The following SUCO variants were observed in gnomAD, a reference collection of about 807,000 sequenced individuals.
SUCO encodes the protein SUN domain containing ossification factor.
A neutral mutation model predicts 148.1 loss-of-function variants in SUCO; 57 were observed. The ratio of observed to expected loss-of-function variants is 0.38; its 90% CI spans 0.31 to 0.48. The LOEUF is 0.48. Among genes scored for constraint, SUCO ranks in the 20% least tolerant of loss-of-function variants. The pLI, the probability that SUCO is intolerant of heterozygous loss-of-function variation, is 0.96. For synonymous variants in SUCO, 470 were observed against 502.7 expected (o/e 0.93, Z 0.87); for missense variants, 1,331 against 1,468.2 (o/e 0.91, Z 1.53).
At position 172,610,004 on chromosome 1, in the gene SUCO, A is replaced by C. The variant is rs760844101; in HGVS notation, c.3510A>C (p.Ser1170=). Residue 1170 remains serine, a synonymous_variant, in exon 24 of 24, where the codon TCA becomes TCC. Transcript: ENST00000263688. Reference sequence around the variant, plus strand: ...CATCTGAAGGAAGCTCAGAAACTTCATCACAGTCAGAAGAGTCCTATTTTT... The same window carrying C: ...CATCTGAAGGAAGCTCAGAAACTTCCTCACAGTCAGAAGAGTCCTATTTTT... ...GPPSEGSSET[S]SQSEESYFCG... 4 of 1,613,928 alleles carry C rather than the reference A, an allele frequency of 2.5e-6. No individual in the cohort carries two copies. The highest frequency in any genetic ancestry group is 1.7e-5 in the Admixed American group (1 of 59,994).
intron 19 of SUCO, among the ~76,000 whole-genome samples, chr1:172,593,638 G>A (rs1260683331): frequency 6.6e-6 from 1 of 152,208 alleles, no homozygotes; most frequent in Non-Finnish European, 1.5e-5. Flanking sequence ...CTTGATCGTG[G>A]TGGGTAAGCT....
At chr1:172,555,727 G>A (rs1480244736) in intron 3 of SUCO, 142 bp from the exon 4 acceptor site, 4 of 687,218 alleles carry the variant, frequency 5.8e-6, no homozygotes, top group Non-Finnish European at 6.6e-6. Context: ...TTGGAAGAAA[G>A]GATTTTTATA....
intron 1 of SUCO, among the ~76,000 whole-genome samples, chr1:172,537,680 T>C (rs1021629781): frequency 1.3e-5 from 2 of 152,216 alleles, no homozygotes; most frequent in African/African-American, 4.8e-5. Flanking sequence ...TTTTTAAAAC[T>C]AAACAAATCT....
rs759161471 is a variant in SUCO at position 172,585,963 on chromosome 1, G to T, written c.1658+15G>T. 3 of 1,513,712 alleles carry T rather than the reference G, an allele frequency of 2.0e-6. No homozygotes were observed. The highest frequency in any genetic ancestry group is 2.7e-6 in the Non-Finnish European group (3 of 1,110,322). The allele number at this position is 1,513,712 out of a possible 1,614,324, so 93.8% of individuals were successfully genotyped here. ...CCATCTCCTGAGTAAGTTATAATGT[G>T]ATATTAAATAGAATTTTGTTACAAT... On this transcript the variant is annotated intron_variant, in intron 17 of 23. Coordinates refer to ENST00000263688, the MANE Select transcript of SUCO (RefSeq NM_014283.5).
chr1:172,607,174 A>C (rs1189272166), intron 22 of SUCO, among the ~76,000 whole-genome samples: 1 of 151,806 alleles, frequency 6.6e-6, no homozygotes, highest in Non-Finnish European at 1.5e-5. Flanking sequence ...TGTCTTTGTA[A>C]GCTCTTACTC....
In SUCO at chr1:172,555,901, G is replaced by C; in HGVS notation, c.321G>C (p.Val107=). 1 of 1,612,560 alleles carries C rather than the reference G, an allele frequency of 6.2e-7. No homozygotes were observed. The highest frequency in any genetic ancestry group is 8.5e-7 in the Non-Finnish European group (1 of 1,179,046). Residue 107 remains valine (V), a synonymous_variant, in exon 4 of 24, where the codon GTG becomes GTC. Coordinates refer to ENST00000263688, the MANE Select transcript of SUCO (RefSeq NM_014283.5). ...AGTCAAAAAAGTTAAGTCCACCGGT[G>C]GTGGAGACACTCCCTACAGTTGATT... The part of the protein sequence containing the change: ...NTESKKLSPP[V]VETLPTVDLH...
chr1:172,546,432 A>G (rs1652861009), intron 1 of SUCO, among the ~76,000 whole-genome samples: 1 of 152,270 alleles, frequency 6.6e-6, no homozygotes, highest in African/African-American at 2.4e-5. Flanking sequence ...TAATACAAAA[A>G]TAAAACAACT....
chr1:172,538,094 ATGAG>A (rs1349307042), intron 1 of SUCO, among the ~76,000 whole-genome samples: 2 of 152,174 alleles, frequency 1.3e-5, no homozygotes, highest in Non-Finnish European at 2.9e-5. Context: ...CTGACAGAGG[ATGAG>A]TAAGTGAAGT....
intron 3 of SUCO, among the ~76,000 whole-genome samples, chr1:172,554,968 C>CTCT (rs1207566541): frequency 6.6e-6 from 1 of 151,962 alleles, no homozygotes; most frequent in Non-Finnish European, 1.5e-5. Flanking sequence ...TTTGTTTGTG[C>CTCT]TCTTGTACTG....
At position 172,577,463 on chromosome 1, in the gene SUCO, A is replaced by G. The variant is rs190682718; in HGVS notation, c.1264-76A>G. On this transcript the variant is annotated intron_variant, in intron 11 of 23. Transcript: ENST00000263688. ...ATACTTTATACAACATAATTTACAA[A>G]TATTTAAAGATGCTTATTGCATGAT... The G allele has an allele frequency of 1.2e-5, 17 of 1,381,186 alleles. No individual in the cohort carries two copies. In the East Asian group the frequency reaches 2.5e-4, roughly 21 times the overall value. The allele number at this position is 1,381,186 out of a possible 1,614,324, so 85.6% of individuals were successfully genotyped here. A position where few individuals can be genotyped will look rare whatever the true frequency, so the allele number is the denominator to read the frequency against.
chr1:172,559,966 ACTC>A (rs905641427), intron 6 of SUCO, among the ~76,000 whole-genome samples: 3 of 151,422 alleles, frequency 2.0e-5, no homozygotes, highest in African/African-American at 7.3e-5. Flanking sequence ...GAGATTAGAT[ACTC>A]CTCCTTAATC....
Position 172,585,860 on chromosome 1 carries a change from A to C in SUCO, c.1570A>C (p.Asn524His), listed in dbSNP as rs764982156. The C allele has an allele frequency of 6.3e-7, 1 of 1,593,724 alleles. No homozygotes were observed. The highest frequency in any genetic ancestry group is 1.1e-5 in the South Asian group (1 of 87,922). Residue 524 changes from asparagine to histidine, a missense_variant and splice_region_variant, in exon 17 of 24, where the codon AAT (asparagine) becomes CAT (histidine). Asn to His is a moderately conservative substitution (Grantham distance 68). Transcript: ENST00000263688. The part of the protein sequence containing the change: ...GAKTEDLTEG[N>H]KSISENATAT... The stretch of plus-strand genomic sequence containing the variant: ...ATTGGGCATCTTTCTTAAAATAGGA[A>C]ATAAAAGTATATCTGAGAATGCCAC...
chr1:172,533,442 A>G lies in SUCO; in HGVS notation c.7A>G (p.Lys3Glu). ...GGGGAAGAAGGAGGAGAAGATGAAG[A>G]AGCACCGGCGGGCCTTGGCCCTGGT... is the stretch of plus-strand genomic sequence containing the variant. Reference protein sequence around the residue: MKKHRRALALVSC... With the variant: MKEHRRALALVSC... Residue 3 changes from lysine to glutamate, a missense_variant, in exon 1 of 24, where the codon AAG becomes GAG. Lys to Glu is a moderately conservative substitution (Grantham distance 56). Transcript: ENST00000263688. 6.4e-7 allele frequency: 1 copy of G among 1,563,982 alleles called. No homozygotes were observed. The highest frequency in any genetic ancestry group is 1.9e-5 in the Admixed American group (1 of 52,576).
intron 13 of SUCO, 48 bp downstream of exon 13, chr1:172,577,867 T>C (rs745705326): frequency 2.1e-6 from 3 of 1,440,876 alleles, no homozygotes; most frequent in South Asian, 1.2e-5. Flanking sequence ...AAAATTGATA[T>C]ACAAAATTTT....
At chr1:172,545,059 G>A (rs565074703) in intron 1 of SUCO, among the ~76,000 whole-genome samples, 1 of 152,300 alleles carries the variant, frequency 6.6e-6, no homozygotes, top group African/African-American at 2.4e-5. Flanking sequence ...TGAAGGCAAA[G>A]GAGTAGTCAC....
chr1:172,546,000 C>T (rs1157422698), intron 1 of SUCO, among the ~76,000 whole-genome samples: 2 of 152,040 alleles, frequency 1.3e-5, no homozygotes, highest in Admixed American at 1.3e-4. Context: ...AGCATGATCA[C>T]CACTCACCGC....
chr1:172,590,219 A>T, intron 18 of SUCO: 2 of 539,172 alleles, frequency 3.7e-6, no homozygotes, highest in Non-Finnish European at 4.7e-6. Flanking sequence ...GCTTAACTTT[A>T]GCCACTTTTT....
At chr1:172,570,024 T>G in intron 7 of SUCO, 23 bp from the exon 8 acceptor site, 1 of 1,368,670 alleles carries the variant, frequency 7.3e-7, no homozygotes, top group South Asian at 2.1e-5. Flanking sequence ...ATATAAATAT[T>G]TATAATAACG....
intron 22 of SUCO, chr1:172,608,371 T>G: frequency 4.5e-6 from 1 of 223,632 alleles, no homozygotes; most frequent in Non-Finnish European, 8.7e-6. Context: ...AGGGAAGTAT[T>G]CAAATGATCT....
Sources: allele counts gnomAD v4.1 joint callset (sites outside exome capture counted in the v4.1 genomes callset), GRCh38; gene constraint gnomAD v4.1.1; transcripts MANE v1.5; gene names NCBI Gene and HGNC (gene_info 2026-07-23, HGNC 2026-07-21).